The following TARBP1 variants were observed in gnomAD, a reference collection of about 807,000 sequenced individuals.
The protein encoded by TARBP1 is tRNA (guanosine(18)-2'-O)-methyltransferase TARBP1.
TARBP1 carries 144 observed loss-of-function variants against 178.6 expected under a neutral mutation model. The observed-to-expected ratio is 0.81, with a 90% confidence interval of 0.70 to 0.93. The LOEUF is 0.93. TARBP1 is among the 40% of genes least tolerant of loss of function. TARBP1 has a pLI of 0.00. For missense variants in TARBP1, 2,067 were observed against 2,011.7 expected, an observed-to-expected ratio of 1.03 and a Z score of -0.53; for synonymous variants, 787 against 781.0, an observed-to-expected ratio of 1.01 and a Z score of -0.13.
chr1:234,425,054 T>G (rs1572278498), intron 20 of TARBP1, among the ~76,000 whole-genome samples: 1 of 133,476 alleles, frequency 7.5e-6, no homozygotes, highest in African/African-American at 2.8e-5. Flanking sequence ...AGAGCGAAAC[T>G]CCGTCTCAAA....
At chr1:234,398,636 T>C (rs1660384480) in intron 25 of TARBP1, 83 bp from the exon 26 acceptor site, 2 of 1,055,744 alleles carry the variant, frequency 1.9e-6, no homozygotes, top group South Asian at 4.4e-5. Context: ...AACTTAATTA[T>C]TAATGATATA....
At chr1:234,447,393 A>AATTTTTTTTT (rs1558221777) in intron 11 of TARBP1, among the ~76,000 whole-genome samples, 2 of 127,620 alleles carry the variant, frequency 1.6e-5, no homozygotes, top group African/African-American at 3.0e-5. Context: ...CTGTTAACCA[A>AATTTTTTTTT]CTTTTTTTTT....
chr1:234,474,278 ACAC>A (rs777392960), intron 1 of TARBP1, among the ~76,000 whole-genome samples: 14,835 of 90,432 alleles, frequency 0.16, 878 homozygotes, highest in Non-Finnish European at 0.21. Flanking sequence ...ACACACACAC[ACAC>A]ACACACAAAG....
chr1:234,447,046 G>T, intron 11 of TARBP1, 71 bp from the exon 12 acceptor site: 1 of 1,543,102 alleles, frequency 6.5e-7, no homozygotes, highest in Non-Finnish European at 8.9e-7. Context: ...ACCTATAATT[G>T]GGTGAAAACT....
At chr1:234,407,377 G>A (rs1263214584) in intron 23 of TARBP1, 5 of 144,534 alleles carry the variant, frequency 3.5e-5, no homozygotes, top group African/African-American at 1.1e-4. Context: ...TCACTCTGTC[G>A]CCTAGGCTGG....
At chr1:234,463,641 T>C (rs528904389) in intron 6 of TARBP1, among the ~76,000 whole-genome samples, 196 bp downstream of exon 6, 2 of 152,312 alleles carry the variant, frequency 1.3e-5, no homozygotes, top group South Asian at 4.1e-4. Flanking sequence ...ATACTGGTAG[T>C]ATGTCATACA....
intron 23 of TARBP1, among the ~76,000 whole-genome samples, chr1:234,409,225 C>A (rs879136397): frequency 2.0e-5 from 3 of 150,230 alleles, no homozygotes; most frequent in Non-Finnish European, 4.4e-5. Flanking sequence ...TTGGATGTTT[C>A]GAAAATAAAA....
At chr1:234,395,402 G>A (rs1419004218) in intron 26 of TARBP1, among the ~76,000 whole-genome samples, 1 of 152,194 alleles carries the variant, frequency 6.6e-6, no homozygotes, top group Admixed American at 6.5e-5. Flanking sequence ...CAGTCTAAAT[G>A]AAGACAAGGC....
At chr1:234,403,351 A>T (rs12069011) in intron 24 of TARBP1, among the ~76,000 whole-genome samples, 5,438 of 152,276 alleles carry the variant, frequency 0.036, 132 homozygotes, top group African/African-American at 0.06. Flanking sequence ...TTCATGCTTT[A>T]GATTTTAATG....
rs77528697 is a variant in TARBP1 at position 234,463,137 on chromosome 1, T to G, written c.1399+700A>C. 3.9e-3 allele frequency among the ~76,000 whole-genome samples: 582 copies of G among 149,552 alleles called. 3 individuals carry two copies. The highest frequency in any genetic ancestry group is 4.4e-3 in the Non-Finnish European group (298 of 67,254). Reference sequence around the variant, plus strand: ...AACAAGTGTTTTTTTGTTTTTTTTGTTTTTTTGAGACAGTCTTGCTCTGTC... The same window carrying G: ...AACAAGTGTTTTTTTGTTTTTTTTGGTTTTTTGAGACAGTCTTGCTCTGTC... On this transcript the variant is annotated intron_variant, in intron 6 of 29. Coordinates refer to ENST00000040877, the MANE Select transcript of TARBP1 (RefSeq NM_005646.4).
intron 12 of TARBP1, among the ~76,000 whole-genome samples, chr1:234,444,301 C>G (rs1054419752): frequency 6.6e-6 from 1 of 152,056 alleles, no homozygotes; most frequent in African/African-American, 2.4e-5. Flanking sequence ...GCTCATATAA[C>G]CCAGTGTAAT....
chr1:234,443,033 G>A lies in TARBP1; in HGVS notation c.2134+3770C>T, dbSNP rs576618255. Among the ~76,000 whole-genome samples, 4 of 152,266 alleles carry A rather than the reference G, an allele frequency of 2.6e-5. No homozygotes were observed. The East Asian group carries it at 7.7e-4, about 29-fold the overall frequency. On this transcript the variant is annotated intron_variant, in intron 12 of 29. Transcript: ENST00000040877. Reference sequence around the variant, plus strand: ...GGGCTGGGCACAATGGCTCATGCCTGTAATCCTAGCACTTTGGGAGGTCGA... The same window carrying A: ...GGGCTGGGCACAATGGCTCATGCCTATAATCCTAGCACTTTGGGAGGTCGA...
chr1:234,467,326 G>A (rs375484143), intron 4 of TARBP1, among the ~76,000 whole-genome samples, 176 bp downstream of exon 4: 3 of 152,278 alleles, frequency 2.0e-5, no homozygotes, highest in Middle Eastern at 3.4e-3. Context: ...CAGTTCTACC[G>A]TTGGGCTTGT....
chr1:234,426,937 T>A (rs992877925), intron 19 of TARBP1, among the ~76,000 whole-genome samples: 1 of 152,198 alleles, frequency 6.6e-6, no homozygotes, highest in Non-Finnish European at 1.5e-5. Flanking sequence ...ACCAACTTGT[T>A]AAATGGTGAA....
intron 22 of TARBP1, among the ~76,000 whole-genome samples, chr1:234,411,568 A>G (rs1350280406): frequency 6.6e-6 from 1 of 152,248 alleles, no homozygotes; most frequent in Non-Finnish European, 1.5e-5. Context: ...GCAAGAGGAG[A>G]CAAAGCCAGT....
At chr1:234,472,237 G>A (rs1478926317) in intron 2 of TARBP1, among the ~76,000 whole-genome samples, 1 of 145,484 alleles carries the variant, frequency 6.9e-6, no homozygotes, top group African/African-American at 2.5e-5. Flanking sequence ...GCTGAGGCAG[G>A]AGAATCACTT....
At chr1:234,429,961 C>T (rs2103129225) in intron 15 of TARBP1, 126 bp downstream of exon 15, 10 of 996,340 alleles carry the variant, frequency 1.0e-5, no homozygotes, top group Non-Finnish European at 1.5e-5. Context: ...TAATGTTATA[C>T]CACACTTTCA....
chr1:234,448,401 T>C, intron 11 of TARBP1, 79 bp downstream of exon 11: 1 of 1,262,010 alleles, frequency 7.9e-7, no homozygotes, highest in South Asian at 1.2e-5. Context: ...AGTTCAATCA[T>C]TCAAAAATCT....
At chr1:234,463,712 C>A in intron 6 of TARBP1, 125 bp downstream of exon 6, 1 of 521,066 alleles carries the variant, frequency 1.9e-6, no homozygotes. Flanking sequence ...TATGCATATC[C>A]TGGAAAAGGA....
Sources: allele counts gnomAD v4.1 joint callset (sites outside exome capture counted in the v4.1 genomes callset), GRCh38; gene constraint gnomAD v4.1.1; transcripts MANE v1.5; gene names NCBI Gene and HGNC (gene_info 2026-07-23, HGNC 2026-07-21).